The following SGCD variants were observed in gnomAD, a reference collection of about 807,000 sequenced individuals.
SGCD encodes the protein sarcoglycan delta, also known as delta-sarcoglycan.
Under a neutral mutation model 36.6 loss-of-function variants are expected in SGCD, and 18 were observed. The ratio of observed to expected loss-of-function variants is 0.49; its 90% CI spans 0.34 to 0.73. The LOEUF (loss-of-function observed/expected upper bound fraction) is 0.73. SGCD is among the 30% of genes least tolerant of loss of function. The pLI is 0.01. For synonymous variants in SGCD, 133 were observed against 130.6 expected, an observed-to-expected ratio of 1.02 and a Z score of -0.12; for missense variants, 387 against 346.7, an observed-to-expected ratio of 1.12 and a Z score of -0.92.
At chr5:156,345,558 GGCTCAT>G (rs1196924980) in intron 3 of SGCD, among the ~76,000 whole-genome samples, 1 of 152,116 alleles carries the variant, frequency 6.6e-6, no homozygotes. Flanking sequence ...CAGGCACATT[GGCTCAT>G]GCTTAAATTC....
intron 1 of SGCD, among the ~76,000 whole-genome samples, chr5:156,071,628 C>A (rs1760565774): frequency 1.3e-5 from 2 of 152,134 alleles, no homozygotes. Flanking sequence ...GTGGAGAGTT[C>A]TGTACATGTC....
intron 1 of SGCD, among the ~76,000 whole-genome samples, chr5:155,996,522 GATCCC>G (rs1156938398): frequency 2.0e-4 from 30 of 152,104 alleles, no homozygotes; most frequent in African/African-American, 7.2e-4. Context: ...TCACGCCTGT[GATCCC>G]AGCAGTTTGG....
intron 2 of SGCD, among the ~76,000 whole-genome samples, chr5:156,121,096 A>G (rs1257322686): frequency 3.3e-5 from 5 of 152,280 alleles, no homozygotes; most frequent in African/African-American, 4.8e-5. Flanking sequence ...GATGGTCCAG[A>G]CAAAGTTGCC....
At chr5:156,176,778 T>G (rs76235377) in intron 3 of SGCD, among the ~76,000 whole-genome samples, 1 of 152,160 alleles carries the variant, frequency 6.6e-6, no homozygotes, top group African/African-American at 2.4e-5. Context: ...TTTTTTGTAG[T>G]TTAAATATCT....
chr5:156,142,436 C>A (rs145385695), intron 3 of SGCD, among the ~76,000 whole-genome samples: 49 of 152,226 alleles, frequency 3.2e-4, no homozygotes, highest in African/African-American at 1.0e-3. Flanking sequence ...AGGTAATGGG[C>A]AGGAGTTGGA....
chr5:156,011,948 A>T (rs976388798), intron 1 of SGCD, among the ~76,000 whole-genome samples: 2 of 152,194 alleles, frequency 1.3e-5, no homozygotes, highest in Admixed American at 1.3e-4. Context: ...CCCCCAAGCA[A>T]GTTCCATTCT....
intron 4 of SGCD, among the ~76,000 whole-genome samples, chr5:156,578,860 A>C (rs1287848117): frequency 6.6e-6 from 1 of 152,114 alleles, no homozygotes. Flanking sequence ...CTTTTCAAAA[A>C]ACCAGCTCCT....
intron 3 of SGCD, among the ~76,000 whole-genome samples, chr5:156,349,852 A>G (rs1769146393): frequency 1.3e-5 from 2 of 152,082 alleles, no homozygotes; most frequent in African/African-American, 4.8e-5. Flanking sequence ...CTAAGTCCCC[A>G]TGAACAGGTG....
At chr5:156,543,344 T>C (rs1758429030) in intron 4 of SGCD, among the ~76,000 whole-genome samples, 1 of 152,220 alleles carries the variant, frequency 6.6e-6, no homozygotes, top group Non-Finnish European at 1.5e-5. Context: ...GGAATCTGTT[T>C]GTTCATCTAA....
intron 3 of SGCD, among the ~76,000 whole-genome samples, chr5:156,396,536 C>T (rs763172648): frequency 1.4e-4 from 22 of 151,974 alleles, no homozygotes; most frequent in African/African-American, 2.4e-4. Context: ...ACTTCTCAAC[C>T]GAGGGATGCT....
chr5:156,597,452 C>A (rs1760972041), intron 6 of SGCD, among the ~76,000 whole-genome samples: 2 of 152,202 alleles, frequency 1.3e-5, no homozygotes, highest in African/African-American at 2.4e-5. Context: ...CAAGAGAGCA[C>A]ATGCAGGAAA....
At chr5:156,535,358 A>C (rs929220622) in intron 4 of SGCD, among the ~76,000 whole-genome samples, 4 of 152,224 alleles carry the variant, frequency 2.6e-5, no homozygotes, top group African/African-American at 4.8e-5. Flanking sequence ...AAGCTTACAA[A>C]TGTTATGAGC....
At chr5:156,171,894 C>T (rs934164795) in intron 3 of SGCD, among the ~76,000 whole-genome samples, 5 of 152,110 alleles carry the variant, frequency 3.3e-5, no homozygotes, top group Admixed American at 6.5e-5. Flanking sequence ...TATGAAACCC[C>T]GGCCATTAGC....
Position 155,914,307 on chromosome 5 carries a change from C to G in SGCD, c.-282+43883C>G, listed in dbSNP as rs576534388. Among the ~76,000 whole-genome samples, 22 of 152,254 alleles carry G rather than the reference C, an allele frequency of 1.4e-4. 1 individual carries two copies. In the East Asian group the frequency reaches 4.3e-3, roughly 29 times the overall value. ...CAGATGCCGGATTGCCTCCCAGCAT[C>G]TAGTGTTACTCTAATACTCTGACAA... is the stretch of plus-strand genomic sequence containing the variant. On this transcript the variant is annotated intron_variant, in intron 1 of 9. Coordinates refer to the SGCD transcript ENST00000517913.
At chr5:156,578,905 C>T (rs1376013695) in intron 4 of SGCD, among the ~76,000 whole-genome samples, 3 of 152,164 alleles carry the variant, frequency 2.0e-5, no homozygotes, top group African/African-American at 7.2e-5. Context: ...TTTTTTGTGT[C>T]TCTATGTCCT....
At chr5:155,790,648 C>T in the SGCD span, among the ~76,000 whole-genome samples, 1 of 152,078 alleles carries the variant, frequency 6.6e-6, no homozygotes, top group African/African-American at 2.4e-5. Context: ...ATCATTTCTT[C>T]ATTATATTAT....
At chr5:155,959,415 G>T (rs1339950971) in intron 1 of SGCD, among the ~76,000 whole-genome samples, 1 of 152,034 alleles carries the variant, frequency 6.6e-6, no homozygotes, top group African/African-American at 2.4e-5. Context: ...TTTCCTAGTA[G>T]GTCCCAAACT....
At position 156,458,709 on chromosome 5, in the gene SGCD, A is replaced by C. The variant is rs533184283; in HGVS notation, c.193-49892A>C. ...ACACAAGTTACCTTGTTAAGAGCTC[A>C]CTCATGATCATCATCACCAACATCA... On this transcript the variant is annotated intron_variant, in intron 3 of 8. Coordinates refer to ENST00000337851, the MANE Select transcript of SGCD (RefSeq NM_000337.6). Among the ~76,000 whole-genome samples, 24 of 152,346 alleles carry C rather than the reference A, an allele frequency of 1.6e-4. 1 individual carries two copies. Among genetic ancestry groups the C allele is most frequent in the African/African-American group, 5.5e-4 (23 of 41,584 alleles).
At chr5:156,295,312 A>T (rs1766866299) in intron 3 of SGCD, among the ~76,000 whole-genome samples, 1 of 152,002 alleles carries the variant, frequency 6.6e-6, no homozygotes, top group Non-Finnish European at 1.5e-5. Context: ...TGTACGTACC[A>T]CTTTTATTTT....
Sources: allele counts gnomAD v4.1 joint callset (sites outside exome capture counted in the v4.1 genomes callset), GRCh38; gene constraint gnomAD v4.1.1; transcripts MANE v1.5; gene names NCBI Gene and HGNC (gene_info 2026-07-23, HGNC 2026-07-21).